Variants in KALRN observed in about 807,000 individuals in gnomAD.
The protein encoded by KALRN is kalirin RhoGEF kinase.
In KALRN, 70 loss-of-function variants were observed where a neutral mutation model predicts 353.7. The observed-to-expected ratio is 0.20, with a 90% confidence interval of 0.16 to 0.24. The LOEUF (loss-of-function observed/expected upper bound fraction) is 0.24. Ranked by LOEUF, KALRN falls within the 10% of genes least tolerant of loss-of-function variation. The pLI, the probability that KALRN is intolerant of heterozygous loss-of-function variation, is 1.00. For synonymous variants in KALRN, 1,391 were observed against 1,434.8 expected (o/e 0.97, Z 0.69); for missense variants, 2,791 against 3,756.7 (o/e 0.74, Z 6.72).
intron 6 of KALRN, among the ~76,000 whole-genome samples, chr3:124,309,244 G>T: frequency 6.9e-6 from 1 of 145,876 alleles, no homozygotes; most frequent in East Asian, 2.0e-4. Context: ...TTTTTTGTAA[G>T]CTTATATTAA....
intron 34 of KALRN, among the ~76,000 whole-genome samples, chr3:124,599,547 C>A (rs333249): frequency 6.6e-6 from 1 of 152,126 alleles, no homozygotes; most frequent in Non-Finnish European, 1.5e-5. Flanking sequence ...CCTCCTGCTG[C>A]GATAACTGTT....
chr3:124,245,245 C>T (rs1486651080), intron 3 of KALRN, among the ~76,000 whole-genome samples: 1 of 152,088 alleles, frequency 6.6e-6, no homozygotes, highest in African/African-American at 2.4e-5. Flanking sequence ...CAATATTTGC[C>T]TTTCTGTACC....
At chr3:124,286,280 T>TCTTCCC (rs2075898648) in intron 5 of KALRN, among the ~76,000 whole-genome samples, 1 of 150,680 alleles carries the variant, frequency 6.6e-6, no homozygotes, top group Non-Finnish European at 1.5e-5. Context: ...TCTCCCTTCC[T>TCTTCCC]CTTCCCCTTC....
At chr3:124,055,029 T>C (rs1444103319) in intron 1 of KALRN, among the ~76,000 whole-genome samples, 3 of 152,206 alleles carry the variant, frequency 2.0e-5, no homozygotes, top group African/African-American at 7.2e-5. Context: ...AGTGGGTGAA[T>C]TCCTCATCTC....
At chr3:124,686,715 G>A (rs1041020988) in intron 51 of KALRN, among the ~76,000 whole-genome samples, 7 of 151,382 alleles carry the variant, frequency 4.6e-5, no homozygotes, top group Non-Finnish European at 1.0e-4. Context: ...GGACTCCAAG[G>A]AACAGCAGTA....
chr3:124,557,918 C>T (rs964912244), intron 33 of KALRN, among the ~76,000 whole-genome samples: 3 of 152,130 alleles, frequency 2.0e-5, no homozygotes, highest in Non-Finnish European at 4.4e-5. Context: ...GGGGCTTCTT[C>T]ACATGGAAGC....
At chr3:124,347,769 C>T (rs1159428187) in intron 10 of KALRN, among the ~76,000 whole-genome samples, 4 of 152,138 alleles carry the variant, frequency 2.6e-5, no homozygotes, top group Non-Finnish European at 5.9e-5. Context: ...ATAGGTGGCA[C>T]CTGCTCACCA....
chr3:124,127,102 C>T (rs2064773751), intron 1 of KALRN, among the ~76,000 whole-genome samples: 1 of 152,146 alleles, frequency 6.6e-6, no homozygotes, highest in Non-Finnish European at 1.5e-5. Flanking sequence ...CAGAGATCAC[C>T]CTTCATAAAT....
intron 1 of KALRN, among the ~76,000 whole-genome samples, chr3:124,215,960 A>G (rs1471481444): frequency 6.6e-6 from 1 of 152,206 alleles, no homozygotes; most frequent in Non-Finnish European, 1.5e-5. Flanking sequence ...GAATCGAGGA[A>G]GGGCCTGGGG....
rs562227617 is a variant in KALRN at position 124,241,298 on chromosome 3, T to A, written c.263+6355T>A. Among the ~76,000 whole-genome samples, 3 of 152,366 alleles carry A rather than the reference T, an allele frequency of 2.0e-5. No homozygotes were observed. In the East Asian group the frequency reaches 5.8e-4, roughly 29 times the overall value. On this transcript the variant is annotated intron_variant, in intron 3 of 59. Transcript: ENST00000682506. Reference sequence around the variant, plus strand: ...TTTATAAGAATGGTATTGTACATTGTGTAGTTTTCTGTGACTAGCATTTCT... The same window carrying A: ...TTTATAAGAATGGTATTGTACATTGAGTAGTTTTCTGTGACTAGCATTTCT...
At chr3:124,522,434 T>C (rs1339031282) in intron 33 of KALRN, among the ~76,000 whole-genome samples, 6 of 152,122 alleles carry the variant, frequency 3.9e-5, no homozygotes, top group African/African-American at 7.2e-5. Flanking sequence ...AGCCAGCATA[T>C]TGTGTAATTT....
chr3:124,409,056 T>C (rs1262660807), intron 13 of KALRN, among the ~76,000 whole-genome samples: 2 of 152,228 alleles, frequency 1.3e-5, no homozygotes, highest in Non-Finnish European at 2.9e-5. Context: ...TTTCCCTTAT[T>C]GATGTCTCTA....
chr3:124,518,999 AAGATGAGGGT>A (rs2066933971), intron 33 of KALRN: 1 of 987,908 alleles, frequency 1.0e-6, no homozygotes, highest in Admixed American at 5.9e-5. Context: ...TGTGGTAGAG[AAGATGAGGGT>A]TAACTTTAGC....
chr3:124,238,459 T>A (rs2080057857), intron 3 of KALRN, among the ~76,000 whole-genome samples: 1 of 152,176 alleles, frequency 6.6e-6, no homozygotes, highest in Admixed American at 6.5e-5. Context: ...GTAGAAAAAG[T>A]TCCTCTACTG....
intron 33 of KALRN, among the ~76,000 whole-genome samples, chr3:124,533,926 A>G (rs1300390426): frequency 6.6e-6 from 1 of 152,194 alleles, no homozygotes; most frequent in Non-Finnish European, 1.5e-5. Context: ...TCAGGTTATT[A>G]TCAACAGGTT....
At chr3:124,298,554 C>T (rs778628128) in intron 5 of KALRN, among the ~76,000 whole-genome samples, 1 of 152,150 alleles carries the variant, frequency 6.6e-6, no homozygotes, top group African/African-American at 2.4e-5. Flanking sequence ...TTCTCTTTTT[C>T]CCTTAGGCTC....
Position 124,586,743 on chromosome 3 carries a change from G to A in KALRN, c.5182+23654G>A, listed in dbSNP as rs1418066919. ...TAAAAGGGAAAAGAAGGGTGGCAAG[G>A]TGGGTGCCCGGGGCCTTCTCCTGCT... On this transcript the variant is annotated intron_variant, in intron 34 of 59. Coordinates refer to ENST00000682506, the MANE Select transcript of KALRN (RefSeq NM_001388419.1). 2.0e-5 allele frequency among the ~76,000 whole-genome samples: 3 copies of A among 152,208 alleles called. No homozygotes were observed. In the East Asian group the frequency reaches 5.8e-4, roughly 29 times the overall value.
chr3:124,164,598 A>C (rs2070514797), intron 1 of KALRN: 1 of 152,248 alleles, frequency 6.6e-6, no homozygotes, highest in African/African-American at 2.4e-5. Context: ...GGAAATATCA[A>C]AATAAAACAT....
chr3:124,423,402 G>A (rs16835400), intron 15 of KALRN, among the ~76,000 whole-genome samples: 4,580 of 152,318 alleles, frequency 0.03, 187 homozygotes, highest in East Asian at 0.11. Flanking sequence ...GTAACTAGTA[G>A]CAATTACCAT....
Sources: allele counts gnomAD v4.1 joint callset (sites outside exome capture counted in the v4.1 genomes callset), GRCh38; gene constraint gnomAD v4.1.1; transcripts MANE v1.5; gene names NCBI Gene and HGNC (gene_info 2026-07-23, HGNC 2026-07-21).